EXTL3: variants seen among roughly 807,000 people sequenced by gnomAD.
The protein encoded by EXTL3 is exostosin-like 3.
EXTL3 carries 27 observed loss-of-function variants against 69.3 expected under a neutral mutation model. The observed-to-expected ratio is 0.39, with a 90% CI of 0.29 to 0.54. EXTL3 has a LOEUF of 0.54. Ranked by LOEUF, EXTL3 falls within the 20% of genes least tolerant of loss-of-function variation. The probability of loss-of-function intolerance (pLI) is 0.69; values close to 1 mark genes in which losing one functional copy is unlikely to be tolerated. For synonymous variants in EXTL3, 511 were observed against 499.4 expected (o/e 1.02, Z -0.31); for missense variants, 1,003 against 1,231.8 (o/e 0.81, Z 2.78).
At chr8:28,712,163 G>A (rs1801043206) in intron 1 of EXTL3, among the ~76,000 whole-genome samples, 1 of 152,174 alleles carries the variant, frequency 6.6e-6, no homozygotes, top group African/African-American at 2.4e-5. Context: ...ATGAGAAAGA[G>A]TCTGCCAGGC....
chr8:28,686,333 CAAAAAAAAA>C (rs542892730), intron 1 of EXTL3, among the ~76,000 whole-genome samples: 1 of 123,418 alleles, frequency 8.1e-6, no homozygotes, highest in African/African-American at 3.0e-5. Context: ...CTCTCTCTCT[CAAAAAAAAA>C]AAAAAGAAAA....
At chr8:28,740,519 T>A (rs910957362) in intron 5 of EXTL3, 2 of 152,158 alleles carry the variant, frequency 1.3e-5, no homozygotes, top group African/African-American at 4.8e-5. Flanking sequence ...CCTGACCTCA[T>A]GATCCGCCCG....
chr8:28,651,517 C>T (rs1806918370), intron 1 of EXTL3, among the ~76,000 whole-genome samples: 1 of 151,938 alleles, frequency 6.6e-6, no homozygotes, highest in South Asian at 2.1e-4. Context: ...TAGAGACATG[C>T]TCTCCTTATG....
intron 1 of EXTL3, among the ~76,000 whole-genome samples, chr8:28,684,494 G>A (rs1038639216): frequency 6.6e-6 from 1 of 152,130 alleles, no homozygotes; most frequent in East Asian, 1.9e-4. Context: ...TGTAATCCCA[G>A]TACTTTGGGA....
intron 1 of EXTL3, among the ~76,000 whole-genome samples, chr8:28,675,791 G>A (rs1807371714): frequency 6.6e-6 from 1 of 152,154 alleles, no homozygotes; most frequent in African/African-American, 2.4e-5. Context: ...GGAGGCCAAG[G>A]CGGTCAGATC....
Position 28,718,110 on chromosome 8 carries a change from A to C in EXTL3, c.2051A>C (p.Asn684Thr). 2 of 1,614,036 alleles carry C rather than the reference A, an allele frequency of 1.2e-6. No individual in the cohort carries two copies. Among genetic ancestry groups the C allele is most frequent in the Non-Finnish European group, 1.7e-6 (2 of 1,180,020 alleles). ...EVLMNSLERL[N>T]GLPYLNKVVV... is the part of the protein sequence containing the mutation. ...CTTATGAACTCTTTAGAGAGGCTGAATGGCCTCCCTTACCTGAACAAGGTC... is the reference window on the plus strand; with the variant it reads ...CTTATGAACTCTTTAGAGAGGCTGACTGGCCTCCCTTACCTGAACAAGGTC... Residue 684 changes from asparagine to threonine, a missense_variant, in exon 3 of 7, where the codon AAT becomes ACT. Coordinates refer to ENST00000220562, the MANE Select transcript of EXTL3 (RefSeq NM_001440.4).
chr8:28,670,455 C>CT (rs1563442570), intron 1 of EXTL3, among the ~76,000 whole-genome samples: 1 of 152,102 alleles, frequency 6.6e-6, no homozygotes, highest in East Asian at 1.9e-4. Flanking sequence ...AGTTGGATGG[C>CT]TGGAGACCCA....
At position 28,716,937 on chromosome 8, in the gene EXTL3, C is replaced by T; in HGVS notation, c.878C>T (p.Thr293Ile). 1.2e-6 allele frequency: 2 copies of T among 1,614,240 alleles called. No individual in the cohort carries two copies. The highest frequency in any genetic ancestry group is 2.7e-5 in the African/African-American group (2 of 75,072). ...CAGAACCTTCTCTATAACGTCAGTA[C>T]TGGCCGTGCCATGGTGGCCCAGTCC... ...DTQNLLYNVSTGRAMVAQSTF... is the reference protein window; with the variant it reads ...DTQNLLYNVSIGRAMVAQSTF... The change falls in exon 3 of 7, where the codon ACT becomes ATT. Residue 293 changes from threonine to isoleucine, a missense_variant. Transcript: ENST00000220562. This position sits in a 1 kb window ranked among gnomAD's most constrained non-coding sequence, Gnocchi z 7.1.
At chr8:28,638,663 C>T (rs979584140) in intron 1 of EXTL3, among the ~76,000 whole-genome samples, 7 of 152,172 alleles carry the variant, frequency 4.6e-5, no homozygotes, top group Non-Finnish European at 1.0e-4. Flanking sequence ...CGGAGTTTTG[C>T]TCTTATCACC....
intron 1 of EXTL3, among the ~76,000 whole-genome samples, chr8:28,645,828 CTTT>C (rs34032752): frequency 5.1e-4 from 72 of 140,800 alleles, no homozygotes; most frequent in African/African-American, 1.5e-3. Context: ...TGCACCTGGA[CTTT>C]TTTTTTTTTT....
intron 1 of EXTL3, among the ~76,000 whole-genome samples, chr8:28,707,477 A>G (rs1445340568): frequency 6.6e-6 from 1 of 152,218 alleles, no homozygotes; most frequent in Non-Finnish European, 1.5e-5. Flanking sequence ...TCTCCTCCCC[A>G]TCTTCCAAGG....
chr8:28,664,362 T>C (rs2130628609), intron 1 of EXTL3, among the ~76,000 whole-genome samples: 1 of 149,488 alleles, frequency 6.7e-6, no homozygotes, highest in South Asian at 2.1e-4. Context: ...AGACAGAATC[T>C]TTCTTTCCAT....
At chr8:28,731,124 A>G in intron 3 of EXTL3, 99 bp from the exon 4 acceptor site, 1 of 1,487,440 alleles carries the variant, frequency 6.7e-7, no homozygotes, top group Non-Finnish European at 9.4e-7. Flanking sequence ...AAAATTATTC[A>G]GTAAATCCAG....
At chr8:28,635,715 C>CCACACACACACACACACATA (rs1554547228) in intron 1 of EXTL3, among the ~76,000 whole-genome samples, 2 of 142,726 alleles carry the variant, frequency 1.4e-5, no homozygotes, top group East Asian at 4.2e-4. Context: ...CCCCACAACT[C>CCACACACACACACACACATA]CACACACACA....
At chr8:28,665,416 C>CTTTTTTTT (rs34069791) in intron 1 of EXTL3, among the ~76,000 whole-genome samples, 3 of 115,426 alleles carry the variant, frequency 2.6e-5, no homozygotes, top group Non-Finnish European at 5.4e-5. Context: ...CACTTGTTTA[C>CTTTTTTTT]TTTTTTTTTT....
At chr8:28,636,102 G>C (rs1585224079) in intron 1 of EXTL3, among the ~76,000 whole-genome samples, 1 of 152,000 alleles carries the variant, frequency 6.6e-6, no homozygotes, top group African/African-American at 2.4e-5. Context: ...AGGCTGAGGC[G>C]GGTAGATCAC....
intron 6 of EXTL3, among the ~76,000 whole-genome samples, chr8:28,744,552 T>C (rs918810332): frequency 6.6e-6 from 1 of 152,206 alleles, no homozygotes; most frequent in Non-Finnish European, 1.5e-5. Context: ...CCCAGCACTT[T>C]GGAAGGCTGA....
rs1563227680 is a variant in EXTL3 at position 28,750,905 on chromosome 8, A to G, written c.*39A>G. On this transcript the variant is annotated 3_prime_UTR_variant, in exon 7 of 7. Transcript: ENST00000220562. The surrounding 1 kb of genome is among the most constrained non-coding windows in gnomAD (Gnocchi z 5.2). ...TCTGGGGAAGAGGATGAGCAGAGGGAGGAAGATGGCTCCCAAGGTTCCTAG... is the reference window on the plus strand; with the variant it reads ...TCTGGGGAAGAGGATGAGCAGAGGGGGGAAGATGGCTCCCAAGGTTCCTAG... 3 of 1,577,458 alleles carry G rather than the reference A, an allele frequency of 1.9e-6. No homozygotes were observed. The highest frequency in any genetic ancestry group is 2.6e-6 in the Non-Finnish European group (3 of 1,148,614).
intron 3 of EXTL3, among the ~76,000 whole-genome samples, chr8:28,722,977 C>T (rs533140075): frequency 3.3e-5 from 5 of 152,000 alleles, no homozygotes; most frequent in Admixed American, 6.6e-5. Flanking sequence ...AAGCTGCATC[C>T]GTAGTGCACT....
Sources: allele counts gnomAD v4.1 joint callset (sites outside exome capture counted in the v4.1 genomes callset), GRCh38; gene constraint gnomAD v4.1.1; non-coding constraint Gnocchi (gnomAD v3.1); transcripts MANE v1.5; gene names NCBI Gene and HGNC (gene_info 2026-07-23, HGNC 2026-07-21).